MICAL3: variants seen among roughly 807,000 people sequenced by gnomAD.
MICAL3 encodes microtubule associated monooxygenase, calponin and LIM domain containing 3, also known as [F-actin]-monooxygenase MICAL3.
Under a neutral mutation model 207.4 loss-of-function variants are expected in MICAL3, and 62 were observed. The ratio of observed to expected loss-of-function variants is 0.30; its 90% CI spans 0.24 to 0.37. MICAL3 has a LOEUF of 0.37. Among genes scored for constraint, MICAL3 ranks in the 10% least tolerant of loss-of-function variants. MICAL3 has a pLI of 1.00. For missense variants in MICAL3, 2,368 were observed against 2,635.6 expected (o/e 0.90, Z 2.22); for synonymous variants, 1,077 against 1,069.3 (o/e 1.01, Z -0.14).
chr22:17,878,714 T>G (rs565223491), intron 16 of MICAL3, among the ~76,000 whole-genome samples: 2 of 152,286 alleles, frequency 1.3e-5, no homozygotes, highest in East Asian at 3.9e-4. Flanking sequence ...GTAAGCCGGC[T>G]TCTTTAACTG....
chr22:17,996,205 C>T (rs542803523), intron 1 of MICAL3, among the ~76,000 whole-genome samples: 90 of 151,004 alleles, frequency 6.0e-4, no homozygotes, highest in Non-Finnish European at 1.1e-3. Context: ...TTTGGGAGGC[C>T]GAGGCCAGTG....
intron 1 of MICAL3, among the ~76,000 whole-genome samples, chr22:18,002,568 G>A (rs1923110220): frequency 6.6e-6 from 1 of 151,954 alleles, no homozygotes; most frequent in African/African-American, 2.4e-5. Context: ...AGGAGGCGGA[G>A]GTTGAACTGA....
chr22:17,949,165 G>A lies in MICAL3; in HGVS notation c.-74-42279C>T, dbSNP rs536166021. Among the ~76,000 whole-genome samples the A allele has an allele frequency of 3.9e-5, 6 of 152,316 alleles. No individual in the cohort carries two copies. The South Asian group carries it at 1.0e-3, about 26-fold the overall frequency. ...GTGGCGGTTGTAGTGAGCCAAGATC[G>A]TGCCACTGCACTCAAGCCTGGGTGA... On this transcript the variant is annotated intron_variant, in intron 1 of 31. Coordinates refer to ENST00000441493, the MANE Select transcript of MICAL3 (RefSeq NM_015241.3).
At chr22:18,011,768 T>G (rs1923752867) in intron 1 of MICAL3, among the ~76,000 whole-genome samples, 1 of 149,768 alleles carries the variant, frequency 6.7e-6, no homozygotes, top group Non-Finnish European at 1.5e-5. Flanking sequence ...GGTGGGTGCC[T>G]CTAGTCCCAG....
chr22:17,988,078 G>T (rs1921232002), intron 1 of MICAL3, among the ~76,000 whole-genome samples: 1 of 152,236 alleles, frequency 6.6e-6, no homozygotes, highest in East Asian at 1.9e-4. Flanking sequence ...TGCCCCCAGG[G>T]AGACATGGGG....
intron 1 of MICAL3, among the ~76,000 whole-genome samples, chr22:17,915,649 A>G (rs1026163887): frequency 3.3e-5 from 5 of 151,980 alleles, no homozygotes; most frequent in African/African-American, 9.7e-5. Flanking sequence ...AGAACCACAA[A>G]ATACACTGCA....
At chr22:17,859,693 G>A (rs1926307793) in intron 19 of MICAL3, among the ~76,000 whole-genome samples, 1 of 152,240 alleles carries the variant, frequency 6.6e-6, no homozygotes, top group Non-Finnish European at 1.5e-5. Flanking sequence ...GGGCACGCCT[G>A]GCAGAGCCTC....
chr22:17,877,349 T>G (rs201588829), intron 16 of MICAL3, among the ~76,000 whole-genome samples: 47 of 94,256 alleles, frequency 5.0e-4, no homozygotes, highest in South Asian at 9.4e-4. Flanking sequence ...TTAGGGAGGT[T>G]AGGGAGGTTA....
At chr22:17,885,830 T>C in intron 16 of MICAL3, 48 bp downstream of exon 16, 2 of 1,576,222 alleles carry the variant, frequency 1.3e-6, no homozygotes, top group South Asian at 2.2e-5. Flanking sequence ...CCCCCCTTCT[T>C]GTGTGATCTG....
At position 17,791,011 on chromosome 22, in the gene MICAL3, G is replaced by A. The variant is rs761275043; in HGVS notation, c.5811C>T (p.Arg1937=). ...TACCCCACTCACCTTCCACTGCCAT[G>A]CGTTCCCGGAGCTCCTGCTGCAGTC... The part of the protein sequence containing the change: ...QSRLQQELRE[R]MAVEDHLKTE... The change falls in exon 31 of 32, where the codon CGC becomes CGT. Residue 1937 remains arginine, a synonymous_variant. Transcript: ENST00000441493. The A allele has an allele frequency of 1.9e-6, 3 of 1,612,278 alleles. No individual in the cohort carries two copies. The highest frequency in any genetic ancestry group is 2.5e-6 in the Non-Finnish European group (3 of 1,179,816).
intron 1 of MICAL3, among the ~76,000 whole-genome samples, chr22:17,952,967 C>T (rs374194954): frequency 6.6e-6 from 1 of 152,244 alleles, no homozygotes; most frequent in East Asian, 1.9e-4. Flanking sequence ...AGCTATCCAA[C>T]AAAGGCTGGA....
At chr22:17,873,020 C>G (rs56151234) in intron 16 of MICAL3, among the ~76,000 whole-genome samples, 1 of 152,166 alleles carries the variant, frequency 6.6e-6, no homozygotes, top group Non-Finnish European at 1.5e-5. Context: ...GCAGGGAAAC[C>G]GGGTGGAAGA....
chr22:17,847,800 C>T (rs1017010307), intron 19 of MICAL3, among the ~76,000 whole-genome samples: 3 of 152,180 alleles, frequency 2.0e-5, no homozygotes, highest in African/African-American at 7.2e-5. Context: ...GAAGAAAGAT[C>T]AACTAACATC....
intron 16 of MICAL3, chr22:17,875,592 A>G: frequency 7.4e-7 from 1 of 1,354,730 alleles, no homozygotes. Context: ...AAAGTAAAGG[A>G]AATGTTAAAT....
chr22:17,903,590 G>A (rs951328173), intron 3 of MICAL3, among the ~76,000 whole-genome samples: 1 of 152,198 alleles, frequency 6.6e-6, no homozygotes, highest in African/African-American at 2.4e-5. Flanking sequence ...CATCTTGGTT[G>A]TTCTCCCCAG....
intron 19 of MICAL3, among the ~76,000 whole-genome samples, chr22:17,850,712 G>A (rs1217162724): frequency 1.3e-5 from 2 of 151,858 alleles, no homozygotes; most frequent in Admixed American, 1.3e-4. Flanking sequence ...GTGCCTGGCC[G>A]AGTTAGTTTT....
chr22:17,946,973 A>G (rs1934101852), intron 1 of MICAL3, among the ~76,000 whole-genome samples: 1 of 152,234 alleles, frequency 6.6e-6, no homozygotes, highest in Admixed American at 6.5e-5. Context: ...TCGCCTCTCC[A>G]TACTTCAGAT....
At position 17,790,735 on chromosome 22, in the gene MICAL3, G is replaced by T; in HGVS notation, c.6006C>A (p.Ser2002=). The change falls in exon 32 of 32, where the codon TCC becomes TCA. Residue 2002 remains serine (S), a synonymous_variant. Transcript: ENST00000441493. ...AAATGGAGCGTTGGGTGGGAGCTCA[G>T]GACCAGTTAAGGCTGAAGCCCTTGG... ...MLSKGFSLNW[S] is the part of the protein sequence containing the mutation. 3 of 1,596,698 alleles carry T rather than the reference G, an allele frequency of 1.9e-6. No individual in the cohort carries two copies. The highest frequency in any genetic ancestry group is 2.7e-5 in the African/African-American group (2 of 74,576).
intron 1 of MICAL3, among the ~76,000 whole-genome samples, chr22:17,918,812 G>A (rs902214325): frequency 3.9e-5 from 6 of 152,012 alleles, no homozygotes; most frequent in African/African-American, 1.2e-4. Flanking sequence ...CCTCCGATCC[G>A]TTCACTCAAA....
Sources: gnomAD v4.1 joint callset for allele counts (sites outside exome capture counted in the v4.1 genomes callset) on GRCh38, gnomAD v4.1.1 for gene constraint, MANE v1.5 for transcripts, NCBI Gene and HGNC (gene_info 2026-07-23, HGNC 2026-07-21) for gene names.